The following SGMS1 variants were observed in gnomAD, a reference collection of about 807,000 sequenced individuals.
SGMS1 encodes the protein phosphatidylcholine:ceramide cholinephosphotransferase 1.
In SGMS1, 13 loss-of-function variants were observed where a neutral mutation model predicts 46.2. The ratio of observed to expected loss-of-function variants is 0.28; its 90% CI spans 0.18 to 0.45. SGMS1 has a LOEUF of 0.45. SGMS1 is among the 20% of genes least tolerant of loss of function. The probability of loss-of-function intolerance (pLI) is 1.00; values close to 1 mark genes in which losing one functional copy is unlikely to be tolerated. For synonymous variants in SGMS1, 203 were observed against 187.8 expected (o/e 1.08, Z -0.66); for missense variants, 324 against 519.9 (o/e 0.62, Z 3.66).
At chr10:50,329,817 T>C (rs1847589448) in intron 7 of SGMS1, among the ~76,000 whole-genome samples, 1 of 152,292 alleles carries the variant, frequency 6.6e-6, no homozygotes, top group Non-Finnish European at 1.5e-5. Context: ...AAGAAGCCAG[T>C]TTCCCATCTG....
intron 2 of SGMS1, among the ~76,000 whole-genome samples, chr10:50,587,004 T>C (rs2131885577): frequency 6.6e-6 from 1 of 152,314 alleles, no homozygotes; most frequent in South Asian, 2.1e-4. Flanking sequence ...TATGCAGGAA[T>C]CTAATATGTT....
At chr10:50,599,430 A>G (rs1838627746) in intron 1 of SGMS1, among the ~76,000 whole-genome samples, 1 of 151,746 alleles carries the variant, frequency 6.6e-6, no homozygotes, top group Admixed American at 6.6e-5. Flanking sequence ...AAATTTAGAA[A>G]TTCCTGGAAA....
At position 50,306,936 on chromosome 10, in the gene SGMS1, T is replaced by C. The variant is rs1370644641; in HGVS notation, c.*206A>G. ...AACAGGAAATGTGTACAGTGCATGATAGGTTAAATTTTTCTTTATTGTTGT... is the reference window on the plus strand; with the variant it reads ...AACAGGAAATGTGTACAGTGCATGACAGGTTAAATTTTTCTTTATTGTTGT... On this transcript the variant is annotated 3_prime_UTR_variant, in exon 11 of 11. Coordinates refer to ENST00000361781, the MANE Select transcript of SGMS1 (RefSeq NM_147156.4). 1 of 544,816 alleles carries C rather than the reference T, an allele frequency of 1.8e-6. No homozygotes were observed. Among genetic ancestry groups the C allele is most frequent in the Non-Finnish European group, 3.2e-6 (1 of 307,760 alleles). The allele number at this position is 544,816 out of a possible 1,614,324, so 33.7% of individuals were successfully genotyped here.
At chr10:50,562,707 C>G (rs1432279682) in intron 2 of SGMS1, among the ~76,000 whole-genome samples, 2 of 152,094 alleles carry the variant, frequency 1.3e-5, no homozygotes, top group Non-Finnish European at 2.9e-5. Flanking sequence ...CTATGCCCGG[C>G]TAATTTTTTT....
chr10:50,383,378 T>C (rs1848635622), intron 6 of SGMS1, among the ~76,000 whole-genome samples: 2 of 152,188 alleles, frequency 1.3e-5, no homozygotes, highest in African/African-American at 4.8e-5. Context: ...AAACGTGTAT[T>C]CTTCTTTTGG....
At chr10:50,498,485 C>T (rs1837634872) in intron 3 of SGMS1, among the ~76,000 whole-genome samples, 1 of 152,200 alleles carries the variant, frequency 6.6e-6, no homozygotes, top group South Asian at 2.1e-4. Context: ...ACTCCCCTCT[C>T]AGCCCCTGGA....
At chr10:50,473,928 A>G (rs1169672712) in intron 3 of SGMS1, 1 of 152,264 alleles carries the variant, frequency 6.6e-6, no homozygotes, top group African/African-American at 2.4e-5. Context: ...TAAAATGATG[A>G]ACTCAGCCAA....
Position 50,473,883 on chromosome 10 carries a change from G to C in SGMS1, c.-497-6951C>G, listed in dbSNP as rs1564923404. 7 of 152,340 alleles carry C rather than the reference G, an allele frequency of 4.6e-5. No homozygotes were observed. The South Asian group carries it at 1.4e-3, about 32-fold the overall frequency. The allele number at this position is 152,340 out of a possible 1,614,324, so 9.4% of individuals were successfully genotyped here. On this transcript the variant is annotated intron_variant, in intron 3 of 10. Transcript: ENST00000361781. ...ACCCAAAGAGAGCCATTCAGAAGCTGGCCAGAAGCCTAGGGCTTGGGTTTG... is the reference window on the plus strand; with the variant it reads ...ACCCAAAGAGAGCCATTCAGAAGCTCGCCAGAAGCCTAGGGCTTGGGTTTG...
At chr10:50,484,695 C>T (rs1837504815) in intron 3 of SGMS1, among the ~76,000 whole-genome samples, 1 of 152,170 alleles carries the variant, frequency 6.6e-6, no homozygotes, top group Non-Finnish European at 1.5e-5. Flanking sequence ...AGCTTACCCA[C>T]CATGATCGAG....
At chr10:50,563,836 C>A (rs1838264592) in intron 2 of SGMS1, among the ~76,000 whole-genome samples, 1 of 151,862 alleles carries the variant, frequency 6.6e-6, no homozygotes, top group Non-Finnish European at 1.5e-5. Context: ...TTACAGGAAT[C>A]CACAGGCCCA....
Position 50,623,131 on chromosome 10 carries a change from G to T in SGMS1, c.-684+576C>A, listed in dbSNP as rs373195205. ...AGGGGAGCGCTCCTCGGGGAGGGGG[G>T]GTCCCACCTGTTTTGTCGTCAGGGG... On this transcript the variant is annotated intron_variant, in intron 1 of 10. Coordinates refer to ENST00000361781, the MANE Select transcript of SGMS1 (RefSeq NM_147156.4). 3.9e-5 allele frequency among the ~76,000 whole-genome samples: 6 copies of T among 152,144 alleles called. No individual in the cohort carries two copies. The East Asian group carries it at 5.8e-4, about 15-fold the overall frequency.
At position 50,371,780 on chromosome 10, in the gene SGMS1, C is replaced by T. The variant is rs535429221; in HGVS notation, c.-231-27435G>A. ...AGAATTGAAGGCTAGGAAGTTCAAT[C>T]TCAAGGGACTGGCATCTAGTGAGGG... is the stretch of plus-strand genomic sequence containing the variant. On this transcript the variant is annotated intron_variant, in intron 6 of 10. Coordinates refer to ENST00000361781, the MANE Select transcript of SGMS1 (RefSeq NM_147156.4). 4.6e-5 allele frequency among the ~76,000 whole-genome samples: 7 copies of T among 152,288 alleles called. No homozygotes were observed. The South Asian group carries it at 1.5e-3, about 32-fold the overall frequency.
intron 6 of SGMS1, among the ~76,000 whole-genome samples, chr10:50,390,679 G>A (rs1232620995): frequency 1.3e-5 from 2 of 152,182 alleles, no homozygotes; most frequent in East Asian, 3.8e-4. Context: ...GAATGTTCAT[G>A]TCTAGATACT....
chr10:50,470,759 A>G (rs1232807927), intron 3 of SGMS1, among the ~76,000 whole-genome samples: 1 of 152,172 alleles, frequency 6.6e-6, no homozygotes, highest in African/African-American at 2.4e-5. Flanking sequence ...TGTCTTGGGC[A>G]AGTTACAGAG....
Position 50,343,690 on chromosome 10 carries a change from G to C in SGMS1, c.425C>G (p.Ala142Gly). ...TGTGGTGAGAACGAAACAGGAAAGT[G>C]CATAAAGAAAGGCCAGAAAAGTCTT... is the stretch of plus-strand genomic sequence containing the variant. ...WGKTFLAFLY[A>G]LSCFVLTTVM... Residue 142 changes from alanine to glycine, a missense_variant, in exon 7 of 11, where the codon GCA (alanine) becomes GGA (glycine). By Grantham distance (60) the Ala-to-Gly change is moderately conservative. Around this residue, in one of 2 missense-constraint regions of SGMS1, gnomAD observed 174 missense variants for 350.1 expected, o/e 0.50. Coordinates refer to ENST00000361781, the MANE Select transcript of SGMS1 (RefSeq NM_147156.4). The C allele has an allele frequency of 6.2e-7, 1 of 1,614,188 alleles. No individual in the cohort carries two copies. The highest frequency in any genetic ancestry group is 1.3e-5 in the African/African-American group (1 of 75,034).
At chr10:50,512,371 G>A (rs757866481) in intron 3 of SGMS1, among the ~76,000 whole-genome samples, 4 of 152,160 alleles carry the variant, frequency 2.6e-5, no homozygotes, top group Non-Finnish European at 5.9e-5. Context: ...TCATGACTTT[G>A]TTTATATGGA....
intron 2 of SGMS1, among the ~76,000 whole-genome samples, chr10:50,545,049 T>C (rs1838088290): frequency 6.6e-6 from 1 of 152,094 alleles, no homozygotes; most frequent in Non-Finnish European, 1.5e-5. Context: ...GTAGCACGTG[T>C]ACAATAAAAG....
chr10:50,427,134 C>T (rs923124417), intron 6 of SGMS1, among the ~76,000 whole-genome samples: 2 of 152,218 alleles, frequency 1.3e-5, no homozygotes, highest in Non-Finnish European at 2.9e-5. Flanking sequence ...CACAGTGGCT[C>T]ATGCCTGTAA....
intron 3 of SGMS1, among the ~76,000 whole-genome samples, chr10:50,470,979 A>ATGTGGGAGTG (rs1444847696): frequency 6.6e-6 from 1 of 152,184 alleles, no homozygotes; most frequent in Non-Finnish European, 1.5e-5. Context: ...TCTACTAAAA[A>ATGTGGGAGTG]TGTGGGAGCT....
Sources: gnomAD v4.1 joint callset for allele counts (sites outside exome capture counted in the v4.1 genomes callset) on GRCh38, gnomAD v4.1.1 for gene constraint, gnomAD v4.1.1 regional missense constraint, MANE v1.5 for transcripts, NCBI Gene and HGNC (gene_info 2026-07-23, HGNC 2026-07-21) for gene names.